Variants in TTC39C observed in about 807,000 individuals in gnomAD.
The protein encoded by TTC39C is tetratricopeptide repeat domain 39C.
A neutral mutation model predicts 76.3 loss-of-function variants in TTC39C; 33 were observed. The observed-to-expected ratio is 0.43, with a 90% CI of 0.33 to 0.58. The LOEUF (loss-of-function observed/expected upper bound fraction) is 0.58, where lower values mean the gene tolerates loss of function less well. Among genes scored for constraint, TTC39C ranks in the 20% least tolerant of loss-of-function variants. The probability of loss-of-function intolerance (pLI) is 0.04; values close to 1 mark genes in which losing one functional copy is unlikely to be tolerated. For synonymous variants in TTC39C, 254 were observed against 260.6 expected, an observed-to-expected ratio of 0.97 and a Z score of 0.24; for missense variants, 595 against 701.4, an observed-to-expected ratio of 0.85 and a Z score of 1.71.
chr18:24,129,896 C>A (rs933040483), intron 11 of TTC39C, among the ~76,000 whole-genome samples: 1 of 151,990 alleles, frequency 6.6e-6, no homozygotes, highest in East Asian at 1.9e-4. Flanking sequence ...TTATCACAGC[C>A]CTAAATAGCT....
chr18:24,093,550 A>G (rs2084553815), intron 6 of TTC39C, among the ~76,000 whole-genome samples: 1 of 151,988 alleles, frequency 6.6e-6, no homozygotes, highest in Non-Finnish European at 1.5e-5. Context: ...TTCTTCGGAT[A>G]TAAGCTACTG....
intron 1 of TTC39C, among the ~76,000 whole-genome samples, chr18:24,045,156 C>G (rs986064633): frequency 4.0e-5 from 6 of 150,214 alleles, no homozygotes; most frequent in Non-Finnish European, 7.4e-5. Flanking sequence ...GTAGTCTCAG[C>G]TATTTGGGAG....
chr18:24,046,066 G>A (rs1438870699), intron 1 of TTC39C, among the ~76,000 whole-genome samples: 1 of 148,050 alleles, frequency 6.8e-6, no homozygotes, highest in Admixed American at 6.9e-5. Flanking sequence ...AGCCTCCCGA[G>A]TAGCTGGGAC....
intron 6 of TTC39C, chr18:24,114,132 C>A (rs1243091742): frequency 7.6e-6 from 2 of 261,602 alleles, no homozygotes; most frequent in Non-Finnish European, 1.5e-5. Flanking sequence ...CTTTCCACAC[C>A]TGTGTGGTAA....
chr18:24,123,849 C>G lies in TTC39C; in HGVS notation c.1202C>G (p.Thr401Ser). 1 of 1,609,962 alleles carries G rather than the reference C, an allele frequency of 6.2e-7. No individual in the cohort carries two copies. Among genetic ancestry groups the G allele is most frequent in the Non-Finnish European group, 8.5e-7 (1 of 1,179,082 alleles). Residue 401 changes from threonine to serine, a missense_variant, in exon 9 of 14, where the codon ACT (threonine) becomes AGT (serine). Coordinates refer to ENST00000317571, the MANE Select transcript of TTC39C (RefSeq NM_001135993.2). ...TTTCTTACAGTTTGTCAGGGAGCCACTGGTGATGTGGATGGGGCACAGATT... is the reference window on the plus strand; with the variant it reads ...TTTCTTACAGTTTGTCAGGGAGCCAGTGGTGATGTGGATGGGGCACAGATT... ...AYLTAVCQGA[T>S]GDVDGAQIVF... is the part of the protein sequence containing the mutation.
intron 1 of TTC39C, among the ~76,000 whole-genome samples, chr18:24,040,665 T>C (rs2083781491): frequency 6.6e-6 from 1 of 152,188 alleles, no homozygotes; most frequent in South Asian, 2.1e-4. Context: ...TCGGTAAGCA[T>C]ACAGCTTAAC....
At chr18:24,117,624 C>A (rs2145814131) in intron 7 of TTC39C, among the ~76,000 whole-genome samples, 1 of 151,972 alleles carries the variant, frequency 6.6e-6, no homozygotes, top group Admixed American at 6.5e-5. Flanking sequence ...ATTGCTTGAA[C>A]CCAGGGAGCA....
upstream of TTC39C, among the ~76,000 whole-genome samples, chr18:24,012,616 A>ATC (rs2083402018): frequency 6.6e-6 from 1 of 152,110 alleles, no homozygotes; most frequent in Non-Finnish European, 1.5e-5. Flanking sequence ...ACTGCAGGCT[A>ATC]TCTCCTATGT....
At chr18:24,087,314 T>G (rs1293045493) in intron 6 of TTC39C, among the ~76,000 whole-genome samples, 1 of 152,192 alleles carries the variant, frequency 6.6e-6, no homozygotes, top group Non-Finnish European at 1.5e-5. Flanking sequence ...TTGTCTCTGC[T>G]CTTTCTTCTT....
intron 1 of TTC39C, among the ~76,000 whole-genome samples, chr18:24,043,681 A>T (rs529421972): frequency 6.6e-6 from 1 of 152,270 alleles, no homozygotes; most frequent in South Asian, 2.1e-4. Flanking sequence ...CACACATTTC[A>T]TGAAGCATCT....
intron 6 of TTC39C, among the ~76,000 whole-genome samples, chr18:24,087,942 A>G (rs2084466159): frequency 6.6e-6 from 1 of 152,206 alleles, no homozygotes; most frequent in South Asian, 2.1e-4. Context: ...ACTGGCCCTC[A>G]ATGTATGTTG....
intron 1 of TTC39C, among the ~76,000 whole-genome samples, chr18:24,061,635 G>A (rs896156483): frequency 4.0e-5 from 6 of 150,852 alleles, no homozygotes; most frequent in Admixed American, 6.6e-5. Context: ...TGGGTGTGGT[G>A]GCTCACACCA....
intron 1 of TTC39C, among the ~76,000 whole-genome samples, chr18:24,005,844 CAA>C (rs71746829): frequency 8.1e-6 from 1 of 122,916 alleles, no homozygotes; most frequent in Non-Finnish European, 1.8e-5. Context: ...GACCCTGTCT[CAA>C]AAAAAAAAAA....
rs2085150297 is a variant in TTC39C at position 24,132,850 on chromosome 18, T to TTA, written c.*278_*279dup. 2 of 292,104 alleles carry TTA rather than the reference T, an allele frequency of 6.8e-6. No individual in the cohort carries two copies. Among genetic ancestry groups the TTA allele is most frequent in the African/African-American group, 4.4e-5 (2 of 45,912 alleles). The allele number at this position is 292,104 out of a possible 1,614,324, so 18.1% of individuals were successfully genotyped here. ...TGCTCAAACGTTTTAGTTTTGTGAT[T>TTA]TATTATTTTTAAAATAAAATCAAAC... is the stretch of plus-strand genomic sequence containing the variant. On this transcript the variant is annotated 3_prime_UTR_variant, in exon 14 of 14. Transcript: ENST00000317571.
At chr18:24,039,375 A>G (rs2083766306) in intron 1 of TTC39C, among the ~76,000 whole-genome samples, 1 of 152,130 alleles carries the variant, frequency 6.6e-6, no homozygotes, top group African/African-American at 2.4e-5. Context: ...GCACAAAGAG[A>G]AGTGTATTCA....
intron 1 of TTC39C, among the ~76,000 whole-genome samples, chr18:24,000,179 T>G (rs2083301304): frequency 6.6e-6 from 1 of 152,104 alleles, no homozygotes; most frequent in Admixed American, 6.6e-5. Flanking sequence ...ACCCCCAAAT[T>G]CTTATGTCGA....
rs1364240604 is a variant in TTC39C at position 24,064,142 on chromosome 18, A to G, written c.170A>G (p.Asn57Ser). The change falls in exon 2 of 14, where the codon AAT (asparagine) becomes AGT (serine). Residue 57 changes from asparagine to serine, a missense_variant and splice_region_variant. By Grantham distance (46) the Asn-to-Ser change is conservative. Coordinates refer to ENST00000317571, the MANE Select transcript of TTC39C (RefSeq NM_001135993.2). ...ESDQLFKQYRNHSPLMSFGAS... is the reference protein window; with the variant it reads ...ESDQLFKQYRSHSPLMSFGAS... ...GTGTGTGTGTGTTTTTTTAACAGAAATCATAGCCCACTAATGAGTTTTGGA... is the reference window on the plus strand; with the variant it reads ...GTGTGTGTGTGTTTTTTTAACAGAAGTCATAGCCCACTAATGAGTTTTGGA... 1 of 1,613,672 alleles carries G rather than the reference A, an allele frequency of 6.2e-7. No individual in the cohort carries two copies. The highest frequency in any genetic ancestry group is 1.1e-5 in the South Asian group (1 of 91,012).
intron 4 of TTC39C, among the ~76,000 whole-genome samples, chr18:24,073,976 C>G (rs955095915): frequency 6.6e-6 from 1 of 152,234 alleles, no homozygotes; most frequent in African/African-American, 2.4e-5. Context: ...GCTGTTTTAC[C>G]TCTTCCCCAC....
rs2085183449 is a variant in TTC39C, at chr18:24,135,025, C to G, written c.*2451C>G. On this transcript the variant is annotated 3_prime_UTR_variant, in exon 14 of 14. Transcript: ENST00000317571. ...CTTTATTTTTATTTTTATTTTGAAA[C>G]AGAGTCTCACTCTGTTGCCCAGGCT... is the stretch of plus-strand genomic sequence containing the variant. 1 of 151,964 alleles carries G rather than the reference C, an allele frequency of 6.6e-6. No homozygotes were observed. Among genetic ancestry groups the G allele is most frequent in the African/African-American group, 2.4e-5 (1 of 41,356 alleles). The allele number at this position is 151,964 out of a possible 1,614,324, so 9.4% of individuals were successfully genotyped here. A position where few individuals can be genotyped will look rare whatever the true frequency, so the allele number is the denominator to read the frequency against.
Sources: allele counts gnomAD v4.1 joint callset (sites outside exome capture counted in the v4.1 genomes callset), GRCh38; gene constraint gnomAD v4.1.1; transcripts MANE v1.5; gene names NCBI Gene and HGNC (gene_info 2026-07-23, HGNC 2026-07-21).